Variants in MAP7 observed in about 807,000 individuals in gnomAD.
The protein encoded by MAP7 is ensconsin.
MAP7 carries 52 observed loss-of-function variants against 94.8 expected under a neutral mutation model. That is an observed-to-expected ratio of 0.55 (90% CI 0.44 to 0.69). The LOEUF (loss-of-function observed/expected upper bound fraction) is 0.69. MAP7 is among the 30% of genes least tolerant of loss of function. The probability of loss-of-function intolerance (pLI) is 0.00; values close to 1 mark genes in which losing one functional copy is unlikely to be tolerated. For synonymous variants in MAP7, 350 were observed against 357.0 expected, an observed-to-expected ratio of 0.98 and a Z score of 0.22; for missense variants, 940 against 964.6, an observed-to-expected ratio of 0.97 and a Z score of 0.34.
chr6:136,359,397 T>C (rs1280505025), intron 15 of MAP7, among the ~76,000 whole-genome samples: 1 of 152,194 alleles, frequency 6.6e-6, no homozygotes, highest in Non-Finnish European at 1.5e-5. Flanking sequence ...TAATACAAGT[T>C]GTCCAATGTG....
At chr6:136,495,159 C>G (rs1274779384) in intron 1 of MAP7, among the ~76,000 whole-genome samples, 1 of 152,106 alleles carries the variant, frequency 6.6e-6, no homozygotes, top group Non-Finnish European at 1.5e-5. Flanking sequence ...ATCTCTAAGA[C>G]CCTGAAAGCT....
intron 3 of MAP7, among the ~76,000 whole-genome samples, chr6:136,403,440 A>G (rs1414301732): frequency 6.6e-6 from 1 of 152,232 alleles, no homozygotes; most frequent in Non-Finnish European, 1.5e-5. Flanking sequence ...CTCACAACAA[A>G]TAAGTGATGA....
At chr6:136,495,714 G>A (rs1818019843) in intron 1 of MAP7, among the ~76,000 whole-genome samples, 1 of 152,012 alleles carries the variant, frequency 6.6e-6, no homozygotes, top group African/African-American at 2.4e-5. Flanking sequence ...GGTTTCTATA[G>A]GTCCACATGT....
chr6:136,488,863 A>C (rs1815616978), intron 1 of MAP7, among the ~76,000 whole-genome samples: 1 of 152,150 alleles, frequency 6.6e-6, no homozygotes, highest in East Asian at 1.9e-4. Context: ...TCAATCCCCA[A>C]ACAGACAATG....
At chr6:136,350,987 G>A (rs868150990) in intron 16 of MAP7, among the ~76,000 whole-genome samples, 10 of 152,272 alleles carry the variant, frequency 6.6e-5, no homozygotes, top group Middle Eastern at 6.8e-3. Context: ...AGACAAGCAG[G>A]ATAAAATTTA....
At chr6:136,405,400 G>T (rs1314906692) in intron 3 of MAP7, among the ~76,000 whole-genome samples, 2 of 152,220 alleles carry the variant, frequency 1.3e-5, no homozygotes, top group Non-Finnish European at 2.9e-5. Context: ...TGAGAAGGTG[G>T]CATTTAAATG....
intron 15 of MAP7, among the ~76,000 whole-genome samples, chr6:136,357,874 T>G (rs1168604739): frequency 2.0e-5 from 3 of 152,186 alleles, no homozygotes; most frequent in Non-Finnish European, 2.9e-5. Context: ...ATCTGATAAC[T>G]AAGGCAGAAA....
At chr6:136,416,043 A>C (rs1789285236) in intron 2 of MAP7, among the ~76,000 whole-genome samples, 1 of 152,204 alleles carries the variant, frequency 6.6e-6, no homozygotes, top group African/African-American at 2.4e-5. Context: ...CTTGGGTGCT[A>C]GAATGTCATT....
chr6:136,542,790 T>C (rs554127452), intron 1 of MAP7, among the ~76,000 whole-genome samples: 1 of 152,216 alleles, frequency 6.6e-6, no homozygotes, highest in South Asian at 2.1e-4. Flanking sequence ...AAATATAAAT[T>C]CCGTATTATA....
chr6:136,420,110 C>G, intron 2 of MAP7: 2 of 855,820 alleles, frequency 2.3e-6, no homozygotes, highest in Non-Finnish European at 4.1e-6. Context: ...ATTATAAATG[C>G]TTTGGGAGCA....
chr6:136,372,665 T>C, intron 7 of MAP7, 40 bp from the exon 8 acceptor site: 1 of 1,613,872 alleles, frequency 6.2e-7, no homozygotes. Flanking sequence ...GTGCAGGTGA[T>C]TGGTTTTACA....
chr6:136,484,454 T>C (rs1367605676), intron 1 of MAP7, among the ~76,000 whole-genome samples: 2 of 152,126 alleles, frequency 1.3e-5, no homozygotes, highest in Non-Finnish European at 2.9e-5. Flanking sequence ...TCTGGTATGA[T>C]GTAGATGTAT....
chr6:136,381,919 C>CACACACACACACACACACACAGAG (rs373754692), intron 6 of MAP7, among the ~76,000 whole-genome samples: 1 of 103,036 alleles, frequency 9.7e-6, no homozygotes, highest in African/African-American at 3.8e-5. Flanking sequence ...CACACACACA[C>CACACACACACACACACACACAGAG]AGAGAGAGAG....
At chr6:136,376,532 G>A (rs1205453414) in intron 7 of MAP7, among the ~76,000 whole-genome samples, 1 of 152,232 alleles carries the variant, frequency 6.6e-6, no homozygotes, top group Non-Finnish European at 1.5e-5. Flanking sequence ...AACCTCAGAT[G>A]CAATGTGATG....
intron 1 of MAP7, among the ~76,000 whole-genome samples, chr6:136,491,261 C>T (rs1393390175): frequency 6.6e-6 from 1 of 152,092 alleles, no homozygotes; most frequent in Non-Finnish European, 1.5e-5. Context: ...ATGAAATTGT[C>T]ATGTTAGGTC....
intron 16 of MAP7, among the ~76,000 whole-genome samples, chr6:136,353,284 C>T (rs939121782): frequency 3.3e-5 from 5 of 152,152 alleles, no homozygotes; most frequent in Non-Finnish European, 7.3e-5. Context: ...TCAGGTAGCA[C>T]CAGCTTATTT....
chr6:136,402,548 T>C (rs564928481), intron 3 of MAP7, among the ~76,000 whole-genome samples: 5 of 152,146 alleles, frequency 3.3e-5, no homozygotes, highest in Non-Finnish European at 5.9e-5. Context: ...GGTGCTAGAA[T>C]AGTAGTTACA....
At chr6:136,501,374 T>C (rs185188188) in intron 1 of MAP7, among the ~76,000 whole-genome samples, 59 of 152,244 alleles carry the variant, frequency 3.9e-4, no homozygotes, top group African/African-American at 1.4e-3. Flanking sequence ...GCTCCACCAT[T>C]TGCTAGCTGT....
At chr6:136,372,278 C>T (rs961360011) in intron 8 of MAP7, among the ~76,000 whole-genome samples, 1 of 152,190 alleles carries the variant, frequency 6.6e-6, no homozygotes. Context: ...CAGCTTTCAT[C>T]TTCAAATTCA....
Sources: allele counts gnomAD v4.1 joint callset (sites outside exome capture counted in the v4.1 genomes callset), GRCh38; gene constraint gnomAD v4.1.1; transcripts MANE v1.5; gene names NCBI Gene and HGNC (gene_info 2026-07-23, HGNC 2026-07-21).